SLC24A2: variants seen among roughly 807,000 people sequenced by gnomAD.
The protein encoded by SLC24A2 is solute carrier family 24 member 2, also known as sodium/potassium/calcium exchanger 2.
In SLC24A2, 36 loss-of-function variants were observed where a neutral mutation model predicts 62.0. That is an observed-to-expected ratio of 0.58 (90% CI 0.44 to 0.77). SLC24A2 has a LOEUF of 0.77. SLC24A2 is among the 30% of genes least tolerant of loss of function. The probability of loss-of-function intolerance (pLI) is 0.00; values close to 1 mark genes in which losing one functional copy is unlikely to be tolerated. For missense variants in SLC24A2, 846 were observed against 817.9 expected (o/e 1.03, Z -0.42); for synonymous variants, 358 against 294.0 (o/e 1.22, Z -2.23).
the SLC24A2 span, among the ~76,000 whole-genome samples, chr9:19,839,293 T>C: frequency 0.87 from 132,411 of 152,126 alleles, 58,337 homozygotes; most frequent in Non-Finnish European, 0.95. Context: ...ACTGTTGGTG[T>C]GACTGTAAAC....
the SLC24A2 span, among the ~76,000 whole-genome samples, chr9:19,806,979 T>C: frequency 6.6e-6 from 1 of 152,222 alleles, no homozygotes; most frequent in African/African-American, 2.4e-5. Context: ...TCTAAATAGA[T>C]GGATTTGAAA....
chr9:19,949,278 G>A, the SLC24A2 span, among the ~76,000 whole-genome samples: 1 of 151,958 alleles, frequency 6.6e-6, no homozygotes, highest in Non-Finnish European at 1.5e-5. Flanking sequence ...ACAGGCATGA[G>A]CCACTGCGCC....
chr9:20,165,336 A>G, the SLC24A2 span, among the ~76,000 whole-genome samples: 8 of 151,884 alleles, frequency 5.3e-5, no homozygotes, highest in African/African-American at 1.9e-4. Context: ...AAAAATAAAC[A>G]TATAAAATAG....
At chr9:19,875,685 T>G in the SLC24A2 span, among the ~76,000 whole-genome samples, 1 of 152,212 alleles carries the variant, frequency 6.6e-6, no homozygotes, top group African/African-American at 2.4e-5. Context: ...ACCCAGCAGC[T>G]GAAAATCAGT....
the SLC24A2 span, among the ~76,000 whole-genome samples, chr9:20,103,867 G>A: frequency 2.0e-5 from 3 of 152,200 alleles, no homozygotes; most frequent in Admixed American, 2.0e-4. Flanking sequence ...TTGACGAGTT[G>A]AGAGAAGAAG....
chr9:19,797,909 T>G, the SLC24A2 span, among the ~76,000 whole-genome samples: 1 of 152,206 alleles, frequency 6.6e-6, no homozygotes. Context: ...CTTCTTATTT[T>G]CAGCCCCTTC....
intron 2 of SLC24A2, among the ~76,000 whole-genome samples, chr9:19,659,126 C>A (rs559465221): frequency 6.6e-6 from 1 of 152,044 alleles, no homozygotes; most frequent in Non-Finnish European, 1.5e-5. Flanking sequence ...CAATATGAGT[C>A]GAGTCCTTAG....
the SLC24A2 span, among the ~76,000 whole-genome samples, chr9:20,018,408 A>G: frequency 6.6e-6 from 1 of 152,176 alleles, no homozygotes; most frequent in South Asian, 2.1e-4. Flanking sequence ...AATTGCCACG[A>G]GGATAATCTA....
chr9:19,788,354 C>T (rs1453105472), intron 1 of SLC24A2, among the ~76,000 whole-genome samples: 3 of 152,198 alleles, frequency 2.0e-5, no homozygotes, highest in Non-Finnish European at 4.4e-5. Flanking sequence ...ACTCCCCGGG[C>T]GCAAAGTCAT....
the SLC24A2 span, among the ~76,000 whole-genome samples, chr9:20,066,336 C>A: frequency 1.3e-5 from 2 of 152,284 alleles, no homozygotes; most frequent in South Asian, 4.1e-4. Context: ...GGAAGACCAC[C>A]TGCTTTCCAG....
In SLC24A2 at chr9:19,547,762, T is replaced by C. The variant is rs375734123; in HGVS notation, c.1479+2375A>G. Among the ~76,000 whole-genome samples the C allele has an allele frequency of 2.0e-4, 30 of 151,674 alleles. 2 individuals are homozygous for C. Among genetic ancestry groups the C allele is most frequent in the African/African-American group, 7.3e-4 (30 of 40,956 alleles). ...CCCCTTTTGGGAATTTAGAAAACTG[T>C]ATCTGTCTCCCTGATTTTCCTCCCT... is the stretch of plus-strand genomic sequence containing the variant. On this transcript the variant is annotated intron_variant, in intron 8 of 10. Transcript: ENST00000341998.
At chr9:19,873,554 C>CTTTCTTTCTTTCTTTCTTTCTT in the SLC24A2 span, among the ~76,000 whole-genome samples, 2 of 136,852 alleles carry the variant, frequency 1.5e-5, no homozygotes, top group East Asian at 2.1e-4. Context: ...TTCTTTCTTT[C>CTTTCTTTCTTTCTTTCTTTCTT]TCTCTCTCTC....
the SLC24A2 span, among the ~76,000 whole-genome samples, chr9:19,920,957 A>G: frequency 1.3e-5 from 2 of 152,086 alleles, no homozygotes; most frequent in Non-Finnish European, 1.5e-5. Flanking sequence ...TCCCTCATCT[A>G]TAAAATAAAG....
chr9:19,743,399 T>C (rs1397324743), intron 2 of SLC24A2, among the ~76,000 whole-genome samples: 1 of 152,140 alleles, frequency 6.6e-6, no homozygotes, highest in Non-Finnish European at 1.5e-5. Context: ...TTTCTGCAAT[T>C]CTTAAAGCAA....
the SLC24A2 span, among the ~76,000 whole-genome samples, chr9:19,805,662 G>A: frequency 6.6e-6 from 1 of 152,056 alleles, no homozygotes; most frequent in African/African-American, 2.4e-5. Context: ...AACATAGTGA[G>A]CGATCAAAAC....
intron 7 of SLC24A2, among the ~76,000 whole-genome samples, chr9:19,572,697 G>T (rs1835874953): frequency 6.6e-6 from 1 of 152,160 alleles, no homozygotes; most frequent in South Asian, 2.1e-4. Context: ...TGTGAAAATG[G>T]ACTAATACCT....
the SLC24A2 span, among the ~76,000 whole-genome samples, chr9:20,207,106 G>C: frequency 6.6e-6 from 1 of 152,094 alleles, no homozygotes; most frequent in Non-Finnish European, 1.5e-5. Context: ...TTCACTGAAG[G>C]AATAAATAGG....
At chr9:20,255,476 A>T in the SLC24A2 span, among the ~76,000 whole-genome samples, 1 of 152,214 alleles carries the variant, frequency 6.6e-6, no homozygotes, top group Non-Finnish European at 1.5e-5. Context: ...CACACAGGAC[A>T]TAGCTCATAT....
At chr9:20,029,226 G>A in the SLC24A2 span, among the ~76,000 whole-genome samples, 2 of 152,304 alleles carry the variant, frequency 1.3e-5, no homozygotes, top group East Asian at 3.9e-4. Flanking sequence ...TACAGCCCGT[G>A]AGTCCATGCC....
Sources: allele counts gnomAD v4.1 joint callset (sites outside exome capture counted in the v4.1 genomes callset), GRCh38; gene constraint gnomAD v4.1.1; transcripts MANE v1.5; gene names NCBI Gene and HGNC (gene_info 2026-07-23, HGNC 2026-07-21).